Variants in PLAGL1 observed in about 807,000 individuals in gnomAD.
The protein encoded by PLAGL1 is zinc finger protein PLAGL1.
A neutral mutation model predicts 4.6 loss-of-function variants in PLAGL1; 1 was observed. The ratio of observed to expected loss-of-function variants is 0.22; its 90% CI spans 0.08 to 1.03. The LOEUF (loss-of-function observed/expected upper bound fraction) is 1.03. PLAGL1 is among the 50% of genes least tolerant of loss of function. PLAGL1 has a pLI of 0.58. For synonymous variants in PLAGL1, 240 were observed against 237.8 expected (o/e 1.01, Z -0.08); for missense variants, 464 against 570.4 (o/e 0.81, Z 1.90).
In PLAGL1 at chr6:144,039,100, CA is replaced by C. The variant is rs1797517285; in HGVS notation, c.-151+25367del. Among the ~76,000 whole-genome samples the C allele has an allele frequency of 6.6e-6, 1 of 151,950 alleles. No homozygotes were observed. The highest frequency in any genetic ancestry group is 2.4e-5 in the African/African-American group (1 of 41,350). On this transcript the variant is annotated intron_variant, in intron 1 of 3. Transcript: ENST00000437412. This position sits in a 1 kb window ranked among gnomAD's most constrained non-coding sequence, Gnocchi z 4.1. ...AGACATAAAGTAAAAACACAAGCCA[CA>C]AATTTGGGAGATAGGTTTGCTATTC...
At position 143,975,728 on chromosome 6, in the gene PLAGL1, CAG is replaced by C. The variant is rs955421807; in HGVS notation, c.-543-6752_-543-6751del. Among the ~76,000 whole-genome samples the C allele has an allele frequency of 6.6e-6, 1 of 152,160 alleles. No homozygotes were observed. Among genetic ancestry groups the C allele is most frequent in the Non-Finnish European group, 1.5e-5 (1 of 68,006 alleles). ...AAGAGAAAGAAGCTACTTTACAAAA[CAG>C]AAACACTAATTGAAGTGTCGTTTTA... On this transcript the variant is annotated intron_variant, in intron 2 of 7. Coordinates refer to ENST00000674357, the MANE Select transcript of PLAGL1 (RefSeq NM_001317162.2). This position sits in a 1 kb window ranked among gnomAD's most constrained non-coding sequence, Gnocchi z 5.8.
chr6:144,030,511 C>A (rs1271554798), intron 1 of PLAGL1, among the ~76,000 whole-genome samples: 1 of 152,100 alleles, frequency 6.6e-6, no homozygotes, highest in African/African-American at 2.4e-5. Flanking sequence ...AACCTTTTCC[C>A]CCAAGTCCCC....
rs1793257792 is a variant in PLAGL1, at chr6:144,003,053, T to C, written c.-584+5037A>G. Among the ~76,000 whole-genome samples, 6 of 152,206 alleles carry C rather than the reference T, an allele frequency of 3.9e-5. No homozygotes were observed. The South Asian group carries it at 1.0e-3, about 26-fold the overall frequency. On this transcript the variant is annotated intron_variant, in intron 1 of 7. Coordinates refer to ENST00000674357, the MANE Select transcript of PLAGL1 (RefSeq NM_001317162.2). ...AGTAATTAAAAAAGTATGGTACTGA[T>C]GCAAGAATGGATAATTAGTCCAAGT...
In PLAGL1 at chr6:143,964,422, C is replaced by G. The variant is rs1488566211; in HGVS notation, c.-399+365G>C. On this transcript the variant is annotated intron_variant, in intron 5 of 7. Coordinates refer to ENST00000674357, the MANE Select transcript of PLAGL1 (RefSeq NM_001317162.2). The surrounding 1 kb of genome is among the most constrained non-coding windows in gnomAD (Gnocchi z 4.3). ...AATCTTACTGACATGAAATTTTCCTCTAGGTTGGCAGAATGGGGACTGGAG... is the reference window on the plus strand; with the variant it reads ...AATCTTACTGACATGAAATTTTCCTGTAGGTTGGCAGAATGGGGACTGGAG... Among the ~76,000 whole-genome samples, 1 of 152,150 alleles carries G rather than the reference C, an allele frequency of 6.6e-6. No homozygotes were observed. The highest frequency in any genetic ancestry group is 1.9e-4 in the East Asian group (1 of 5,194).
chr6:144,018,765 C>T (rs1795747422), intron 1 of PLAGL1, among the ~76,000 whole-genome samples: 1 of 152,140 alleles, frequency 6.6e-6, no homozygotes, highest in Non-Finnish European at 1.5e-5. Flanking sequence ...TTGACATGTA[C>T]CTCCTAATGT....
At chr6:144,020,173 C>T (rs1795867610) in intron 1 of PLAGL1, among the ~76,000 whole-genome samples, 1 of 152,162 alleles carries the variant, frequency 6.6e-6, no homozygotes, top group Admixed American at 6.5e-5. Flanking sequence ...GAGCCCTCAC[C>T]ACACACTGAA....
chr6:144,002,733 A>G (rs1437257682), intron 1 of PLAGL1, among the ~76,000 whole-genome samples: 1 of 152,182 alleles, frequency 6.6e-6, no homozygotes, highest in Non-Finnish European at 1.5e-5. Flanking sequence ...AACAATGTGT[A>G]AGTCCTCTAT....
At position 143,998,589 on chromosome 6, in the gene PLAGL1, A is replaced by AGATAGGGTT. The variant is rs550100007; in HGVS notation, c.-584+9500_-584+9501insAACCCTATC. Among the ~76,000 whole-genome samples, 10 of 152,340 alleles carry AGATAGGGTT rather than the reference A, an allele frequency of 6.6e-5. No individual in the cohort carries two copies. In the East Asian group the frequency reaches 1.3e-3, roughly 21 times the overall value. On this transcript the variant is annotated intron_variant, in intron 1 of 7. Transcript: ENST00000674357. The stretch of plus-strand genomic sequence containing the variant: ...TTGTATGCAAAGTATCATGTCAGCC[A>AGATAGGGTT]CTTGAACCCTATCTAAGAACCTGAC...
intron 1 of PLAGL1, among the ~76,000 whole-genome samples, chr6:144,040,889 A>G (rs1261468039): frequency 6.6e-6 from 1 of 152,240 alleles, no homozygotes; most frequent in African/African-American, 2.4e-5. Context: ...AAACAAAAAC[A>G]AAAACAAAAC....
chr6:143,978,693 A>T lies in PLAGL1; in HGVS notation c.-544+6442T>A, dbSNP rs1787243074. On this transcript the variant is annotated intron_variant, in intron 2 of 7. Coordinates refer to ENST00000674357, the MANE Select transcript of PLAGL1 (RefSeq NM_001317162.2). This position sits in a 1 kb window ranked among gnomAD's most constrained non-coding sequence, Gnocchi z 4.6. ...AGTGAACACTCTTTGTATGATTTAA[A>T]TCCTTCAGAATTAATTGACTTATTT... Among the ~76,000 whole-genome samples the T allele has an allele frequency of 6.6e-6, 1 of 152,194 alleles. No individual in the cohort carries two copies.
Position 143,952,070 on chromosome 6 carries a change from G to A in PLAGL1, c.-324-3610C>T, listed in dbSNP as rs1288715311. Among the ~76,000 whole-genome samples, 6 of 152,038 alleles carry A rather than the reference G, an allele frequency of 3.9e-5. No individual in the cohort carries two copies. The highest frequency in any genetic ancestry group is 6.6e-5 in the Admixed American group (1 of 15,262). On this transcript the variant is annotated intron_variant, in intron 6 of 7. Coordinates refer to ENST00000674357, the MANE Select transcript of PLAGL1 (RefSeq NM_001317162.2). This position sits in a 1 kb window ranked among gnomAD's most constrained non-coding sequence, Gnocchi z 6.1. ...CTGTCTACCCCAACAGACTATAAAC[G>A]CTTTGTGGCTGAGGGTCAAAGCTTA... is the stretch of plus-strand genomic sequence containing the variant.
rs933652514 is a variant in PLAGL1 at position 143,994,769 on chromosome 6, G to GC, written c.-583-9596dup. Among the ~76,000 whole-genome samples the GC allele has an allele frequency of 6.6e-6, 1 of 152,152 alleles. No individual in the cohort carries two copies. Among genetic ancestry groups the GC allele is most frequent in the African/African-American group, 2.4e-5 (1 of 41,434 alleles). The stretch of plus-strand genomic sequence containing the variant: ...TAATGTGACTGTATTTGGAGATAGG[G>GC]CCATCAGGGAGGTAATTAAGGTTAA... On this transcript the variant is annotated intron_variant, in intron 1 of 7. Coordinates refer to ENST00000674357, the MANE Select transcript of PLAGL1 (RefSeq NM_001317162.2). The surrounding 1 kb of genome is among the most constrained non-coding windows in gnomAD (Gnocchi z 4.3).
chr6:144,013,096 G>A (rs367648779), upstream of PLAGL1, among the ~76,000 whole-genome samples: 4 of 152,284 alleles, frequency 2.6e-5, no homozygotes, highest in South Asian at 8.3e-4. This position sits in a 1 kb window ranked among gnomAD's most constrained non-coding sequence, Gnocchi z 4.4. Context: ...GAACCCCTCA[G>A]GACAAATTCC....
intron 1 of PLAGL1, chr6:144,007,500 G>A (rs1328770739): frequency 1.3e-5 from 2 of 152,194 alleles, no homozygotes; most frequent in African/African-American, 2.4e-5. Context: ...CAAAATTACA[G>A]GAGTATATTC....
At chr6:144,019,790 TAAAAAA>T (rs112007022) in intron 1 of PLAGL1, among the ~76,000 whole-genome samples, 1 of 144,252 alleles carries the variant, frequency 6.9e-6, no homozygotes, top group South Asian at 2.2e-4. Context: ...AAAAGTTACT[TAAAAAA>T]AAAAAAAGGA....
At chr6:144,030,192 T>G (rs888476212) in intron 1 of PLAGL1, among the ~76,000 whole-genome samples, 2 of 136,986 alleles carry the variant, frequency 1.5e-5, no homozygotes, top group South Asian at 4.5e-4. Context: ...GAGGCGGAGC[T>G]TGCAGTGAGC....
rs1364289143 is a variant in PLAGL1, at chr6:143,949,817, A to G, written c.-324-1357T>C. Among the ~76,000 whole-genome samples the G allele has an allele frequency of 6.6e-6, 1 of 152,184 alleles. No homozygotes were observed. The highest frequency in any genetic ancestry group is 1.5e-5 in the Non-Finnish European group (1 of 68,026). On this transcript the variant is annotated intron_variant, in intron 6 of 7. Transcript: ENST00000674357. The surrounding 1 kb of genome is among the most constrained non-coding windows in gnomAD (Gnocchi z 5.3). ...CTGCTCCTTGCAGTCATTTATTGCC[A>G]TGTCTCTAGAGTTGCTCTTTATTGT...
rs1792701176 is a variant in PLAGL1 at position 144,000,843 on chromosome 6, A to C, written c.-584+7247T>G. Among the ~76,000 whole-genome samples the C allele has an allele frequency of 6.6e-6, 1 of 152,184 alleles. No homozygotes were observed. Among genetic ancestry groups the C allele is most frequent in the Non-Finnish European group, 1.5e-5 (1 of 67,996 alleles). Reference sequence around the variant, plus strand: ...CTTGCAAAGTTCTAAGAAATACTGGAAAAACATCCTTTAAAATGTCAGATA... The same window carrying C: ...CTTGCAAAGTTCTAAGAAATACTGGCAAAACATCCTTTAAAATGTCAGATA... On this transcript the variant is annotated intron_variant, in intron 1 of 7. Transcript: ENST00000674357. The surrounding 1 kb of genome is among the most constrained non-coding windows in gnomAD (Gnocchi z 4.1).
At chr6:144,060,791 C>A (rs10457757) in intron 1 of PLAGL1, among the ~76,000 whole-genome samples, 46,974 of 152,086 alleles carry the variant, frequency 0.31, 7,452 homozygotes, top group Middle Eastern at 0.43. Context: ...GTCCCCTCCC[C>A]GACCTCTTCA....
Sources: gnomAD v4.1 joint callset for allele counts (sites outside exome capture counted in the v4.1 genomes callset) on GRCh38, gnomAD v4.1.1 for gene constraint, Gnocchi (gnomAD v3.1) non-coding constraint, MANE v1.5 for transcripts, NCBI Gene and HGNC (gene_info 2026-07-23, HGNC 2026-07-21) for gene names.